CLTRN: variants seen among roughly 807,000 people sequenced by gnomAD.
CLTRN encodes the protein collectrin, amino acid transport regulator.
A neutral mutation model predicts 14.5 loss-of-function variants in CLTRN; 12 were observed. The ratio of observed to expected loss-of-function variants is 0.83; its 90% CI spans 0.53 to 1.34. CLTRN has a LOEUF of 1.34. Among genes scored for constraint, CLTRN ranks in the 40% most tolerant of loss-of-function variants. CLTRN has a pLI of 0.00. For synonymous variants in CLTRN, 58 were observed against 56.5 expected (o/e 1.03, Z -0.12); for missense variants, 154 against 165.1 (o/e 0.93, Z 0.37).
At chrX:15,665,840 A>G (rs767076538), upstream of CLTRN, among the ~76,000 whole-genome samples, 18 of 111,986 alleles carry the variant, frequency 1.6e-4, no homozygotes, top group East Asian at 1.1e-3. Flanking sequence ...TACGGGAGGG[A>G]ACTGAGGCTC....
At position 15,628,177 on chromosome X, in the gene CLTRN, T is replaced by C. The variant is rs181992796; in HGVS notation, c.513-50A>G. The C allele has an allele frequency of 3.6e-5, 33 of 904,989 alleles. No homozygotes were observed. In the African/African-American group the frequency reaches 5.7e-4, roughly 16 times the overall value. 74.6% of individuals were successfully genotyped at this position (904,989 alleles called of 1,213,427 possible). Reference sequence around the variant, plus strand: ...TTGGCATCTAGAAGGACCATAACCATGGTTGCATATGGTCTTCTGAACGAA... The same window carrying C: ...TTGGCATCTAGAAGGACCATAACCACGGTTGCATATGGTCTTCTGAACGAA... On this transcript the variant is annotated intron_variant, in intron 5 of 5. Transcript: ENST00000380342.
chrX:15,664,505 T>C, intron 1 of CLTRN, 110 bp from the exon 2 acceptor site: 3 of 724,790 alleles, frequency 4.1e-6, no homozygotes, highest in Non-Finnish European at 2.1e-6. Flanking sequence ...AACAAAGAAC[T>C]ACAATTAAAC....
intron 4 of CLTRN, among the ~76,000 whole-genome samples, chrX:15,643,470 C>T (rs1454133229): frequency 8.9e-6 from 1 of 112,225 alleles, no homozygotes; most frequent in Non-Finnish European, 1.9e-5. Flanking sequence ...ACTTCCCAGA[C>T]CTTCACCCTA....
chrX:15,660,134 G>A (rs1929471794), intron 2 of CLTRN, among the ~76,000 whole-genome samples: 2 of 111,366 alleles, frequency 1.8e-5, no homozygotes, highest in African/African-American at 6.5e-5. Context: ...GTTTCACTCT[G>A]GGATGGGGAA....
rs529871105 is a variant in CLTRN, at chrX:15,655,838, C to G, written c.203+3178G>C. 2.0e-4 allele frequency among the ~76,000 whole-genome samples: 22 copies of G among 112,226 alleles called. 1 individual carries two copies. In the South Asian group the frequency reaches 8.2e-3, roughly 42 times the overall value. ...TCCCTCCAGAAAATATTATGCCAGT[C>G]TCCTTTCTTAAAGACAACTGTATCC... On this transcript the variant is annotated intron_variant, in intron 3 of 5. Coordinates refer to ENST00000380342, the MANE Select transcript of CLTRN (RefSeq NM_020665.6).
At chrX:15,645,093 C>T (rs1015078734) in intron 3 of CLTRN, 64 bp from the exon 4 acceptor site, 21 of 623,582 alleles carry the variant, frequency 3.4e-5, no homozygotes, top group Non-Finnish European at 4.8e-5. Flanking sequence ...TTAAACCGTT[C>T]ACTCTGATGC....
At chrX:15,646,810 G>T in intron 3 of CLTRN, 1 of 331,226 alleles carries the variant, frequency 3.0e-6, no homozygotes. Flanking sequence ...CCACCAGCCT[G>T]TCCGCAGCCT....
At chrX:15,651,916 C>T (rs1929226953) in intron 3 of CLTRN, among the ~76,000 whole-genome samples, 1 of 111,841 alleles carries the variant, frequency 8.9e-6, no homozygotes, top group Admixed American at 9.5e-5. Flanking sequence ...TATCTACTCA[C>T]CTACAAATAC....
intron 4 of CLTRN, among the ~76,000 whole-genome samples, chrX:15,643,875 A>G (rs140137494): frequency 4.7e-4 from 53 of 112,476 alleles, no homozygotes; most frequent in Non-Finnish European, 8.4e-4. Context: ...AAAAAGAATA[A>G]TATGTATTTC....
intron 5 of CLTRN, among the ~76,000 whole-genome samples, chrX:15,638,715 CTCT>C (rs1348146220): frequency 1.8e-5 from 2 of 111,838 alleles, no homozygotes; most frequent in East Asian, 2.8e-4. Context: ...ATCCTGTCTC[CTCT>C]TCTTCTCCAC....
intron 3 of CLTRN, among the ~76,000 whole-genome samples, chrX:15,658,676 G>A (rs759398521): frequency 1.9e-5 from 2 of 106,426 alleles, no homozygotes; most frequent in Non-Finnish European, 3.9e-5. Flanking sequence ...TTCAAAATAA[G>A]AGTAAAATTC....
At chrX:15,630,280 T>G (rs1484348296) in intron 5 of CLTRN, among the ~76,000 whole-genome samples, 8 of 110,335 alleles carry the variant, frequency 7.3e-5, no homozygotes, top group Non-Finnish European at 1.5e-4. Context: ...CAATTAGATG[T>G]ATGTATGTAT....
rs1267350698 is a variant in CLTRN at position 15,631,269 on chromosome X, C to A, written c.513-3142G>T. 3.6e-5 allele frequency among the ~76,000 whole-genome samples: 4 copies of A among 111,953 alleles called. No individual in the cohort carries two copies. In the East Asian group the frequency reaches 1.1e-3, roughly 31 times the overall value. On this transcript the variant is annotated intron_variant, in intron 5 of 5. Coordinates refer to ENST00000380342, the MANE Select transcript of CLTRN (RefSeq NM_020665.6). ...TGGAGTGAATGATAATTTTCCACAACAATAAATAGATTGTGGACAGCCAAA... is the reference window on the plus strand; with the variant it reads ...TGGAGTGAATGATAATTTTCCACAAAAATAAATAGATTGTGGACAGCCAAA...
In CLTRN at chrX:15,644,933, C is replaced by G. The variant is rs772135484; in HGVS notation, c.300G>C (p.Glu100Asp). The G allele has an allele frequency of 3.3e-6, 4 of 1,200,391 alleles. No individual in the cohort carries two copies. In the South Asian group the frequency reaches 7.3e-5, roughly 22 times the overall value. ...PSKNHTLPAV[E>D]VQSAIRMNKN... is the part of the protein sequence containing the mutation. Reference sequence around the variant, plus strand: ...GTGATTACCTTATGGCTGATTGCACCTCAACAGCAGGAAGGGTGTGATTTT... The same window carrying G: ...GTGATTACCTTATGGCTGATTGCACGTCAACAGCAGGAAGGGTGTGATTTT... Residue 100 changes from glutamate (E) to aspartate (D), a missense_variant, in exon 4 of 6, where the codon GAG becomes GAC. Coordinates refer to ENST00000380342, the MANE Select transcript of CLTRN (RefSeq NM_020665.6).
intron 4 of CLTRN, among the ~76,000 whole-genome samples, chrX:15,641,054 G>A (rs1027933966): frequency 1.8e-5 from 2 of 112,320 alleles, no homozygotes; most frequent in East Asian, 2.8e-4. Flanking sequence ...CACAGGAATG[G>A]AAACAAGGTA....
At chrX:15,656,081 C>G (rs1317159688) in intron 3 of CLTRN, among the ~76,000 whole-genome samples, 1 of 111,958 alleles carries the variant, frequency 8.9e-6, no homozygotes, top group Non-Finnish European at 1.9e-5. Context: ...TCTCTGCAAG[C>G]CCACACCCTC....
At chrX:15,648,485 C>G (rs1221492373) in intron 3 of CLTRN, among the ~76,000 whole-genome samples, 1 of 110,864 alleles carries the variant, frequency 9.0e-6, no homozygotes, top group Admixed American at 9.6e-5. Context: ...TGGTGGCAAC[C>G]ATTGAGCTAG....
rs748698931 is a variant in CLTRN, at chrX:15,664,738, T to C, written c.38A>G (p.His13Arg). 1 of 1,210,122 alleles carries C rather than the reference T, an allele frequency of 8.3e-7. No homozygotes were observed. The highest frequency in any genetic ancestry group is 1.1e-6 in the Non-Finnish European group (1 of 894,423). Residue 13 changes from histidine to arginine, a missense_variant, in exon 1 of 6, where the codon CAT becomes CGT. Transcript: ENST00000380342. ...CATACCTGGTTGACAGAGTTCAGCA[T>C]GAATGGCAGTCACCAGAAAAAAGAG... ...WLLFFLVTAI[H>R]AELCQPGAEN... is the part of the protein sequence containing the mutation.
At chrX:15,664,088 T>A (rs1389417749) in intron 2 of CLTRN, among the ~76,000 whole-genome samples, 2 of 112,380 alleles carry the variant, frequency 1.8e-5, no homozygotes, top group African/African-American at 6.5e-5. Flanking sequence ...GCTGGTTTTT[T>A]AAGTTGTTTT....
Sources: gnomAD v4.1 joint callset for allele counts (sites outside exome capture counted in the v4.1 genomes callset) on GRCh38, gnomAD v4.1.1 for gene constraint, MANE v1.5 for transcripts, NCBI Gene and HGNC (gene_info 2026-07-23, HGNC 2026-07-21) for gene names.